The following TRAF3 variants were observed in gnomAD, a reference collection of about 807,000 sequenced individuals.
TRAF3 encodes TNF receptor associated factor 3.
A neutral mutation model predicts 62.3 loss-of-function variants in TRAF3; 13 were observed. The ratio of observed to expected loss-of-function variants is 0.21; its 90% CI spans 0.14 to 0.33. TRAF3 has a LOEUF of 0.33. TRAF3 is among the 10% of genes least tolerant of loss of function. TRAF3 has a pLI of 1.00. For synonymous variants in TRAF3, 269 were observed against 283.4 expected (o/e 0.95, Z 0.51); for missense variants, 440 against 741.8 (o/e 0.59, Z 4.73).
At position 102,903,537 on chromosome 14, in the gene TRAF3, C is replaced by T; in HGVS notation, c.1135+108C>T. 6.7e-7 allele frequency: 1 copy of T among 1,492,610 alleles called. No individual in the cohort carries two copies. Among genetic ancestry groups the T allele is most frequent in the Non-Finnish European group, 9.2e-7 (1 of 1,090,566 alleles). The allele number at this position is 1,492,610 out of a possible 1,614,324, so 92.5% of individuals were successfully genotyped here. ...TATGTTAGGTACATGTGCCTTAGGA[C>T]AGTTTTTTCTAATTATGGGTAACAC... On this transcript the variant is annotated intron_variant, in intron 11 of 11. Transcript: ENST00000392745. The surrounding 1 kb of genome is among the most constrained non-coding windows in gnomAD (Gnocchi z 6.4).
In TRAF3 at chr14:102,891,366, C is replaced by T. The variant is rs757652604; in HGVS notation, c.768C>T (p.Ala256=). Residue 256 remains alanine (A), a synonymous_variant, in exon 9 of 12, where the codon GCC becomes GCT. Transcript: ENST00000392745. ...QQIKAHEASS[A]VQHVNLLKEW... Reference sequence around the variant, plus strand: ...TCAAGGCCCACGAGGCCAGCTCCGCCGTGCAGCACGTCAACCTGCTGAAGG... The same window carrying T: ...TCAAGGCCCACGAGGCCAGCTCCGCTGTGCAGCACGTCAACCTGCTGAAGG... The T allele has an allele frequency of 7.4e-6, 12 of 1,613,510 alleles. No individual in the cohort carries two copies. The highest frequency in any genetic ancestry group is 4.5e-5 in the East Asian group (2 of 44,884).
intron 2 of TRAF3, among the ~76,000 whole-genome samples, chr14:102,847,427 G>A (rs770225701): frequency 7.2e-5 from 11 of 151,986 alleles, no homozygotes; most frequent in Non-Finnish European, 1.6e-4. Context: ...CACCCTCCTC[G>A]ACCTCCCAAA....
chr14:102,787,683 AAACAACAACAAAAAC>A (rs1897574947), intron 1 of TRAF3, among the ~76,000 whole-genome samples: 1 of 152,028 alleles, frequency 6.6e-6, no homozygotes, highest in East Asian at 1.9e-4. Context: ...AGACTGTCTC[AAACAACAACAAAAAC>A]AACAACAACA....
At chr14:102,824,949 C>G (rs146222195) in intron 1 of TRAF3, among the ~76,000 whole-genome samples, 15 of 152,306 alleles carry the variant, frequency 9.8e-5, no homozygotes, top group African/African-American at 3.4e-4. Flanking sequence ...TGTGAGTAGA[C>G]ACGATTCTCT....
intron 5 of TRAF3, 89 bp downstream of exon 5, chr14:102,875,817 A>G: frequency 3.6e-6 from 4 of 1,112,584 alleles, no homozygotes; most frequent in Middle Eastern, 2.0e-4. Context: ...AGGATGTGGC[A>G]CTTTAAGACC....
chr14:102,795,594 A>ATGTGTG (rs1249954107), intron 1 of TRAF3, among the ~76,000 whole-genome samples: 2 of 126,596 alleles, frequency 1.6e-5, no homozygotes, highest in Non-Finnish European at 1.7e-5. Flanking sequence ...CATGATATGT[A>ATGTGTG]TATATGTGTG....
At chr14:102,891,458 T>C in intron 9 of TRAF3, 41 bp downstream of exon 9, 1 of 1,571,256 alleles carries the variant, frequency 6.4e-7, no homozygotes, top group Middle Eastern at 1.7e-4. Context: ...ATTTGTATCA[T>C]CTCTTCAGAT....
intron 1 of TRAF3, among the ~76,000 whole-genome samples, chr14:102,830,122 G>A (rs1900583691): frequency 6.6e-6 from 1 of 152,176 alleles, no homozygotes; most frequent in African/African-American, 2.4e-5. Context: ...CTGCCGAGGC[G>A]GCAGCTCCTA....
intron 1 of TRAF3, among the ~76,000 whole-genome samples, chr14:102,802,831 A>G (rs1042380657): frequency 6.6e-6 from 1 of 152,172 alleles, no homozygotes; most frequent in Non-Finnish European, 1.5e-5. Context: ...CTGTCTCAAA[A>G]AAAAGAAATA....
At chr14:102,842,580 G>T (rs928246478) in intron 2 of TRAF3, among the ~76,000 whole-genome samples, 2 of 152,058 alleles carry the variant, frequency 1.3e-5, no homozygotes, top group Non-Finnish European at 2.9e-5. Flanking sequence ...GAGAAATAAT[G>T]GCTGGAAATT....
At chr14:102,821,638 G>A (rs1195394085) in intron 1 of TRAF3, among the ~76,000 whole-genome samples, 1 of 152,196 alleles carries the variant, frequency 6.6e-6, no homozygotes. Context: ...TTATGGAATT[G>A]GAAATGTTTG....
At chr14:102,876,293 G>T in intron 5 of TRAF3, 65 bp from the exon 6 acceptor site, 1 of 1,543,154 alleles carries the variant, frequency 6.5e-7, no homozygotes. Flanking sequence ...ATAGAGATTA[G>T]AATCTGGTAT....
chr14:102,881,447 G>A (rs1475189398), intron 6 of TRAF3, among the ~76,000 whole-genome samples: 5 of 151,652 alleles, frequency 3.3e-5, no homozygotes, highest in African/African-American at 1.2e-4. Context: ...TTGCAGGGAC[G>A]TGGATGGAGC....
intron 1 of TRAF3, among the ~76,000 whole-genome samples, chr14:102,812,964 T>G (rs1899287886): frequency 6.6e-6 from 1 of 151,976 alleles, no homozygotes; most frequent in African/African-American, 2.4e-5. Context: ...ACAGTATTTG[T>G]TATTATTTAT....
At chr14:102,780,458 G>T (rs1010832400) in intron 1 of TRAF3, among the ~76,000 whole-genome samples, 2 of 151,974 alleles carry the variant, frequency 1.3e-5, no homozygotes, top group East Asian at 3.9e-4. Flanking sequence ...TCCAGGAAAG[G>T]GGGTGGGGAG....
At chr14:102,900,330 G>A (rs1310154220) in intron 10 of TRAF3, among the ~76,000 whole-genome samples, 6 of 151,818 alleles carry the variant, frequency 4.0e-5, no homozygotes, top group African/African-American at 7.3e-5. Flanking sequence ...GCGAAACCCC[G>A]TCTCTACTAA....
intron 3 of TRAF3, among the ~76,000 whole-genome samples, chr14:102,871,642 C>CATT (rs1888348237): frequency 6.6e-6 from 1 of 152,274 alleles, no homozygotes; most frequent in South Asian, 2.1e-4. Context: ...AATAAAATTT[C>CATT]ACTTTTACAT....
At chr14:102,900,685 T>G (rs1170159514) in intron 10 of TRAF3, among the ~76,000 whole-genome samples, 1 of 152,220 alleles carries the variant, frequency 6.6e-6, no homozygotes, top group Non-Finnish European at 1.5e-5. Flanking sequence ...ACCACCGGGC[T>G]TCTCACAGCG....
chr14:102,838,070 C>T lies in TRAF3; in HGVS notation c.-18+7598C>T, dbSNP rs77417145. On this transcript the variant is annotated intron_variant, in intron 2 of 11. Transcript: ENST00000392745. The stretch of plus-strand genomic sequence containing the variant: ...TGATAACAGACATAGTAGTTAAGAA[C>T]ACTGACTCGAGGTAGACCGCTGTGC... Among the ~76,000 whole-genome samples, 388 of 152,342 alleles carry T rather than the reference C, an allele frequency of 2.5e-3. 1 individual carries two copies. The highest frequency in any genetic ancestry group is 6.0e-3 in the South Asian group (29 of 4,824).
Sources: gnomAD v4.1 joint callset for allele counts (sites outside exome capture counted in the v4.1 genomes callset) on GRCh38, gnomAD v4.1.1 for gene constraint, Gnocchi (gnomAD v3.1) non-coding constraint, MANE v1.5 for transcripts, NCBI Gene and HGNC (gene_info 2026-07-23, HGNC 2026-07-21) for gene names.